PADI2: variants seen among roughly 807,000 people sequenced by gnomAD.
PADI2 encodes the protein protein-arginine deiminase type-2.
Under a neutral mutation model 81.1 loss-of-function variants are expected in PADI2, and 70 were observed. The observed-to-expected ratio is 0.86, with a 90% CI of 0.71 to 1.05. The LOEUF is 1.05. Among genes scored for constraint, PADI2 ranks in the 50% least tolerant of loss-of-function variants. The probability of loss-of-function intolerance (pLI) is 0.00; values close to 1 mark genes in which losing one functional copy is unlikely to be tolerated. For missense variants in PADI2, 853 were observed against 889.9 expected (o/e 0.96, Z 0.53); for synonymous variants, 338 against 358.0 (o/e 0.94, Z 0.63).
chr1:17,082,595 CCAG>C lies in PADI2; in HGVS notation c.1105_1107del (p.Leu369del). On this transcript the variant is annotated inframe_deletion, in exon 10 of 16. Coordinates refer to ENST00000375486, the MANE Select transcript of PADI2 (RefSeq NM_007365.3). ...TTTAGGTTTCCATCTCGGGGAGAGT[CCAG>C]CACCACGGGGAAGCCTTTATGGGGG... 1 of 1,613,136 alleles carries C rather than the reference CCAG, an allele frequency of 6.2e-7. No homozygotes were observed. The highest frequency in any genetic ancestry group is 8.5e-7 in the Non-Finnish European group (1 of 1,179,652).
chr1:17,079,850 G>A (rs765547425), intron 10 of PADI2, among the ~76,000 whole-genome samples: 6 of 150,986 alleles, frequency 4.0e-5, no homozygotes, highest in African/African-American at 7.3e-5. Flanking sequence ...GCTGGAGTGC[G>A]GTGGCATGAT....
intron 14 of PADI2, among the ~76,000 whole-genome samples, chr1:17,071,084 A>G (rs963371704): frequency 1.3e-5 from 2 of 152,186 alleles, no homozygotes; most frequent in Non-Finnish European, 2.9e-5. Context: ...GATTACAGGC[A>G]TGAGACACTG....
Position 17,091,282 on chromosome 1 carries a change from C to G in PADI2, c.655+1126G>C, listed in dbSNP as rs569288757. Among the ~76,000 whole-genome samples the G allele has an allele frequency of 1.5e-4, 23 of 148,826 alleles. No homozygotes were observed. In the South Asian group the frequency reaches 5.1e-3, roughly 33 times the overall value. On this transcript the variant is annotated intron_variant, in intron 6 of 15. Coordinates refer to ENST00000375486, the MANE Select transcript of PADI2 (RefSeq NM_007365.3). The stretch of plus-strand genomic sequence containing the variant: ...TTCGGGGCTGGGCCAGAGATCCTGG[C>G]CCCCCTAGGCAGCTGGGCATGCAGA...
At chr1:17,075,007 G>T in intron 12 of PADI2, 58 bp from the exon 13 acceptor site, 1 of 1,137,220 alleles carries the variant, frequency 8.8e-7, no homozygotes. Flanking sequence ...CAAGGAGCAC[G>T]GGGAGGCCCT....
intron 6 of PADI2, among the ~76,000 whole-genome samples, chr1:17,090,581 TTGTGTGTGTGTGTGTGTG>T (rs3036949): frequency 3.5e-5 from 5 of 142,854 alleles, no homozygotes; most frequent in South Asian, 4.6e-4. Flanking sequence ...CGTCCTTTGC[TTGTGTGTGTGTGTGTGTG>T]TGTGTGTGTG....
At chr1:17,092,147 CT>C (rs1268600732) in intron 6 of PADI2, among the ~76,000 whole-genome samples, 1 of 152,154 alleles carries the variant, frequency 6.6e-6, no homozygotes, top group Non-Finnish European at 1.5e-5. Flanking sequence ...CCCAAATGCC[CT>C]TCCTCCCCTG....
At position 17,067,194 on chromosome 1, in the gene PADI2, A is replaced by T. The variant is rs2078228327; in HGVS notation, c.*1850T>A. 1 of 137,738 alleles carries T rather than the reference A, an allele frequency of 7.3e-6. No homozygotes were observed. The highest frequency in any genetic ancestry group is 1.5e-5 in the Non-Finnish European group (1 of 65,624). The allele number at this position is 137,738 out of a possible 1,614,324, so 8.5% of individuals were successfully genotyped here. A position where few individuals can be genotyped will look rare whatever the true frequency, so the allele number is the denominator to read the frequency against. On this transcript the variant is annotated 3_prime_UTR_variant, in exon 16 of 16. Coordinates refer to ENST00000375486, the MANE Select transcript of PADI2 (RefSeq NM_007365.3). ...CATGGGAGGCGCTCACTTCCCCCTA[A>T]TGTAGACTAAAAAAAAAAAGAAAAA...
rs1193077011 is a variant in PADI2, at chr1:17,119,390, C to G, written c.-19G>C. The G allele has an allele frequency of 3.9e-6, 6 of 1,519,298 alleles. No homozygotes were observed. Among genetic ancestry groups the G allele is most frequent in the South Asian group, 3.7e-5 (3 of 80,972 alleles). The allele number at this position is 1,519,298 out of a possible 1,614,324, so 94.1% of individuals were successfully genotyped here. On this transcript the variant is annotated 5_prime_UTR_variant, in exon 1 of 16. Transcript: ENST00000375486. The surrounding 1 kb of genome is among the most constrained non-coding windows in gnomAD (Gnocchi z 4.8). ...GCAGCATCCTCCCCGCCGCAGTGCC[C>G]GCGCTCGCTGGTCCGGGGCGGCCGG... is the stretch of plus-strand genomic sequence containing the variant.
At chr1:17,092,968 A>C (rs1038226646) in intron 5 of PADI2, among the ~76,000 whole-genome samples, 34 of 151,848 alleles carry the variant, frequency 2.2e-4, no homozygotes, top group African/African-American at 8.2e-4. Flanking sequence ...AAAAAAGAAA[A>C]AAAAAGAAAA....
chr1:17,080,473 G>A (rs1357351523), intron 10 of PADI2, among the ~76,000 whole-genome samples: 3 of 152,340 alleles, frequency 2.0e-5, no homozygotes, highest in African/African-American at 7.2e-5. Flanking sequence ...GAAGCAGAGT[G>A]GCAGACCACC....
intron 10 of PADI2, 63 bp downstream of exon 10, chr1:17,082,482 C>A (rs2078351419): frequency 9.3e-7 from 1 of 1,079,318 alleles, no homozygotes; most frequent in African/African-American, 1.5e-5. Flanking sequence ...GTCTCCTGAC[C>A]ACTCTGTCTT....
chr1:17,103,415 A>T (rs943214346), intron 2 of PADI2, among the ~76,000 whole-genome samples: 2 of 152,166 alleles, frequency 1.3e-5, no homozygotes, highest in Middle Eastern at 3.2e-3. Flanking sequence ...ACCATGTTCA[A>T]TGCCATCACT....
At chr1:17,088,167 A>C (rs546620477) in intron 6 of PADI2, among the ~76,000 whole-genome samples, 1 of 152,224 alleles carries the variant, frequency 6.6e-6, no homozygotes, top group East Asian at 1.9e-4. Flanking sequence ...GGTGGGAAGC[A>C]TTTGAGCAGA....
At chr1:17,080,733 G>A (rs1308668488) in intron 10 of PADI2, among the ~76,000 whole-genome samples, 1 of 152,186 alleles carries the variant, frequency 6.6e-6, no homozygotes, top group African/African-American at 2.4e-5. Context: ...AACCCCATTG[G>A]CCCCTGAATT....
In PADI2 at chr1:17,067,681, T is replaced by A. The variant is rs982396835; in HGVS notation, c.*1363A>T. ...CCAGACTGCTACTAACCACTGTGTTTGCAGAGCCCAACGCCGTGCCTGGCG... is the reference window on the plus strand; with the variant it reads ...CCAGACTGCTACTAACCACTGTGTTAGCAGAGCCCAACGCCGTGCCTGGCG... On this transcript the variant is annotated 3_prime_UTR_variant, in exon 16 of 16. Coordinates refer to ENST00000375486, the MANE Select transcript of PADI2 (RefSeq NM_007365.3). The A allele has an allele frequency of 1.3e-5, 2 of 152,238 alleles. No homozygotes were observed. The highest frequency in any genetic ancestry group is 2.9e-5 in the Non-Finnish European group (2 of 68,050). 9.4% of individuals were successfully genotyped at this position (152,238 alleles called of 1,614,324 possible).
chr1:17,109,394 A>G (rs1199274780), intron 1 of PADI2, among the ~76,000 whole-genome samples: 2 of 129,266 alleles, frequency 1.5e-5, no homozygotes, highest in African/African-American at 5.4e-5. Flanking sequence ...TCTATTAAAA[A>G]AAAAAAAAAA....
At position 17,103,074 on chromosome 1, in the gene PADI2, G is replaced by A. The variant is rs1297236791; in HGVS notation, c.277-15C>T. The A allele has an allele frequency of 1.3e-6, 2 of 1,598,656 alleles. No individual in the cohort carries two copies. The highest frequency in any genetic ancestry group is 2.2e-5 in the South Asian group (2 of 90,516). ...TTGACGGTGACCTTGGTGGGGAGGG[G>A]GCACATTGGAGTAGAGAGAAAAGAG... On this transcript the variant is annotated splice_polypyrimidine_tract_variant and intron_variant, in intron 2 of 15. Coordinates refer to ENST00000375486, the MANE Select transcript of PADI2 (RefSeq NM_007365.3).
intron 14 of PADI2, among the ~76,000 whole-genome samples, chr1:17,070,576 G>A (rs1411001111): frequency 1.3e-5 from 2 of 152,194 alleles, no homozygotes; most frequent in Admixed American, 6.5e-5. Context: ...AAGCTAATGC[G>A]TACATGTGCT....
At chr1:17,111,746 G>T (rs1471248989) in intron 1 of PADI2, among the ~76,000 whole-genome samples, 1 of 152,190 alleles carries the variant, frequency 6.6e-6, no homozygotes, top group Non-Finnish European at 1.5e-5. Context: ...CAAGCTCCCA[G>T]GTAATGTTGA....
Sources: allele counts gnomAD v4.1 joint callset (sites outside exome capture counted in the v4.1 genomes callset), GRCh38; gene constraint gnomAD v4.1.1; non-coding constraint Gnocchi (gnomAD v3.1); transcripts MANE v1.5; gene names NCBI Gene and HGNC (gene_info 2026-07-23, HGNC 2026-07-21).